The following PVT1 variants were observed in gnomAD, a reference collection of about 807,000 sequenced individuals.
PVT1 encodes the protein Pvt1 oncogene.
rs181118400 is a variant in PVT1 at position 128,053,930 on chromosome 8, G to T, written n.913-16230G>T. ...CCCTCTGATCTTCCTGCATACAATGGATTGCAGGGAAAAAGAAACTTCCTG... is the reference window on the plus strand; with the variant it reads ...CCCTCTGATCTTCCTGCATACAATGTATTGCAGGGAAAAAGAAACTTCCTG... On this transcript the variant is annotated intron_variant and non_coding_transcript_variant, in intron 4 of 10. Coordinates refer to ENST00000651587, the Ensembl canonical transcript of PVT1. Among the ~76,000 whole-genome samples, 10 of 152,314 alleles carry T rather than the reference G, an allele frequency of 6.6e-5. 1 individual carries two copies. The highest frequency in any genetic ancestry group is 2.4e-4 in the African/African-American group (10 of 41,566).
At chr8:128,065,613 C>G (rs531918677) in intron 4 of PVT1, among the ~76,000 whole-genome samples, 11 of 152,248 alleles carry the variant, frequency 7.2e-5, no homozygotes, top group Middle Eastern at 6.8e-3. Context: ...GGGGGGATCT[C>G]AGGGTTGAAA....
At chr8:127,969,035 A>G (rs891994475) in intron 3 of PVT1, among the ~76,000 whole-genome samples, 2 of 152,118 alleles carry the variant, frequency 1.3e-5, no homozygotes, top group Admixed American at 6.5e-5. Flanking sequence ...GTTTCAAGCC[A>G]CCTATTTTGC....
At chr8:127,960,943 T>G (rs13264724) in intron 3 of PVT1, among the ~76,000 whole-genome samples, 4,600 of 26,642 alleles carry the variant, frequency 0.17, 127 homozygotes, top group East Asian at 0.4. Flanking sequence ...TGTTTGGGGG[T>G]GGGGGGGGCG....
chr8:127,858,673 G>A (rs1815186852), intron 2 of PVT1, among the ~76,000 whole-genome samples: 1 of 151,730 alleles, frequency 6.6e-6, no homozygotes, highest in African/African-American at 2.4e-5. Flanking sequence ...AACTGCAACT[G>A]GCCCATAGAT....
chr8:127,869,979 C>T (rs1815334172), intron 2 of PVT1, among the ~76,000 whole-genome samples: 1 of 151,816 alleles, frequency 6.6e-6, no homozygotes, highest in Non-Finnish European at 1.5e-5. Flanking sequence ...ATTTTTTGTA[C>T]TTTTAGTAGA....
intron 2 of PVT1, among the ~76,000 whole-genome samples, chr8:127,841,262 C>T (rs1326767027): frequency 6.6e-6 from 1 of 152,084 alleles, no homozygotes; most frequent in Non-Finnish European, 1.5e-5. Flanking sequence ...CTATTAGCCC[C>T]ATTTATTTTA....
intron 2 of PVT1, among the ~76,000 whole-genome samples, chr8:127,826,873 T>C (rs1462402420): frequency 4.6e-5 from 7 of 152,204 alleles, no homozygotes; most frequent in Non-Finnish European, 1.0e-4. Context: ...TCCTGCTTCT[T>C]AATGCAAGGA....
chr8:127,984,997 CCTTCCT>C (rs1563657759), intron 3 of PVT1, among the ~76,000 whole-genome samples: 1 of 112,734 alleles, frequency 8.9e-6, no homozygotes, highest in African/African-American at 4.4e-5. Context: ...CTTTCTCTTT[CCTTCCT>C]TCCTTCCTTC....
intron 4 of PVT1, among the ~76,000 whole-genome samples, chr8:128,067,389 T>C (rs147637370): frequency 6.6e-6 from 1 of 152,232 alleles, no homozygotes; most frequent in Non-Finnish European, 1.5e-5. Context: ...GCCTGTCCTG[T>C]CTCCAAGGCC....
At chr8:128,088,058 C>T (rs1814281550) in intron 5 of PVT1, among the ~76,000 whole-genome samples, 1 of 152,082 alleles carries the variant, frequency 6.6e-6, no homozygotes, top group Admixed American at 6.6e-5. Context: ...CGTGCCCAGC[C>T]GCTACTTGTT....
chr8:127,804,415 C>T (rs369747406), intron 2 of PVT1, among the ~76,000 whole-genome samples: 1 of 152,290 alleles, frequency 6.6e-6, no homozygotes, highest in South Asian at 2.1e-4. Flanking sequence ...AAGTGACCCT[C>T]CCACTTTGGC....
chr8:127,941,195 T>C (rs759906447), intron 3 of PVT1, among the ~76,000 whole-genome samples: 34 of 152,344 alleles, frequency 2.2e-4, no homozygotes, highest in Non-Finnish European at 2.4e-4. Context: ...AAATCTTTTC[T>C]CCCTCTTTCT....
At chr8:127,920,174 A>C (rs1396704209) in intron 3 of PVT1, among the ~76,000 whole-genome samples, 2 of 152,218 alleles carry the variant, frequency 1.3e-5, no homozygotes, top group African/African-American at 4.8e-5. Flanking sequence ...CATTCAGCCC[A>C]CCCACATCCA....
chr8:127,902,735 C>T (rs1054729727), intron 3 of PVT1, among the ~76,000 whole-genome samples: 1 of 152,156 alleles, frequency 6.6e-6, no homozygotes, highest in Admixed American at 6.5e-5. Context: ...TGGCCTCCAG[C>T]TGCATCCATG....
At chr8:127,817,405 A>AGAT (rs1445437983) in intron 2 of PVT1, among the ~76,000 whole-genome samples, 5 of 120,428 alleles carry the variant, frequency 4.2e-5, no homozygotes, top group South Asian at 2.4e-4. Flanking sequence ...TATATTAAAT[A>AGAT]ATATATATTT....
rs936945237 is a variant in PVT1 at position 128,049,762 on chromosome 8, CG to C, written n.913-20394del. The stretch of plus-strand genomic sequence containing the variant: ...TGACTGATTCAGGTAAGGTTTACAC[CG>C]GGGCTCTAGGTTTGAATTTTGATTC... On this transcript the variant is annotated intron_variant and non_coding_transcript_variant, in intron 4 of 10. Transcript: ENST00000651587. Among the ~76,000 whole-genome samples, 98 of 152,266 alleles carry C rather than the reference CG, an allele frequency of 6.4e-4. 1 individual carries two copies. The highest frequency in any genetic ancestry group is 2.3e-3 in the African/African-American group (97 of 41,544).
At chr8:127,849,374 C>G (rs573037901) in intron 2 of PVT1, among the ~76,000 whole-genome samples, 118 of 152,260 alleles carry the variant, frequency 7.7e-4, no homozygotes, top group Non-Finnish European at 1.5e-3. Context: ...TAGGCTTCCA[C>G]TTATTGAGGA....
intron 4 of PVT1, among the ~76,000 whole-genome samples, chr8:128,016,508 G>C (rs1051722552): frequency 9.2e-5 from 14 of 152,078 alleles, no homozygotes; most frequent in Admixed American, 2.0e-4. Context: ...ACATCTCTCT[G>C]TGTTATTAAG....
chr8:128,092,200 T>TC (rs1380301332), intron 5 of PVT1, among the ~76,000 whole-genome samples: 10 of 152,134 alleles, frequency 6.6e-5, no homozygotes, highest in Admixed American at 5.2e-4. Context: ...CATTTATTTT[T>TC]CTCTATCTCC....
Sources: gnomAD v4.1 joint callset for allele counts (sites outside exome capture counted in the v4.1 genomes callset) on GRCh38, gnomAD v4.1.1 for gene constraint, MANE v1.5 for transcripts, NCBI Gene and HGNC (gene_info 2026-07-23, HGNC 2026-07-21) for gene names.